Variants in CFAP57 observed in about 807,000 individuals in gnomAD.
The protein encoded by CFAP57 is cilia and flagella associated protein 57, also known as cilia- and flagella-associated protein 57.
CFAP57 carries 116 observed loss-of-function variants against 146.8 expected under a neutral mutation model. The observed-to-expected ratio is 0.79, with a 90% CI of 0.68 to 0.92. The LOEUF is 0.92. Among genes scored for constraint, CFAP57 ranks in the 40% least tolerant of loss-of-function variants. The pLI, the probability that CFAP57 is intolerant of heterozygous loss-of-function variation, is 0.00. For synonymous variants in CFAP57, 518 were observed against 552.8 expected (o/e 0.94, Z 0.88); for missense variants, 1,377 against 1,527.2 (o/e 0.90, Z 1.64).
At chr1:43,243,499 C>A (rs1369655321) in intron 22 of CFAP57, 140 bp downstream of exon 22, 1 of 903,638 alleles carries the variant, frequency 1.1e-6, no homozygotes, top group Non-Finnish European at 1.5e-6. Context: ...GGGGCACACA[C>A]CTGCTCTTTG....
chr1:43,230,675 T>C (rs1463590944), intron 18 of CFAP57, among the ~76,000 whole-genome samples: 1 of 152,170 alleles, frequency 6.6e-6, no homozygotes, highest in African/African-American at 2.4e-5. Flanking sequence ...TTCTTTCCCC[T>C]TTTGTCCTCT....
chr1:43,226,848 C>G, intron 17 of CFAP57, 135 bp from the exon 18 acceptor site: 1 of 1,006,866 alleles, frequency 9.9e-7, no homozygotes. Flanking sequence ...TCTGTACTGA[C>G]GAAGGGAGGA....
chr1:43,206,445 T>A, intron 9 of CFAP57: 1 of 395,862 alleles, frequency 2.5e-6, no homozygotes, highest in Non-Finnish European at 4.6e-6. Flanking sequence ...CAATAATTGG[T>A]TGGTTCTAGC....
chr1:43,206,394 T>G (rs1376282767), intron 9 of CFAP57: 1 of 278,714 alleles, frequency 3.6e-6, no homozygotes, highest in Non-Finnish European at 7.0e-6. Context: ...TGCAAGTTTC[T>G]GTGAATACAT....
rs1318632293 is a variant in CFAP57, at chr1:43,198,605, A to G, written c.1387A>G (p.Ile463Val). 3.1e-6 allele frequency: 5 copies of G among 1,613,974 alleles called. No individual in the cohort carries two copies. The South Asian group carries it at 4.4e-5, about 14-fold the overall frequency. Residue 463 changes from isoleucine (I) to valine (V), a missense_variant, in exon 8 of 23, where the codon ATA (isoleucine) becomes GTA (valine). Coordinates refer to ENST00000372492, the MANE Select transcript of CFAP57 (RefSeq NM_001378189.1). ...LRLMNLLIDDIRSFKEYSVRG... is the reference protein window; with the variant it reads ...LRLMNLLIDDVRSFKEYSVRG... ...CCTCATGAATCTACTCATTGATGAT[A>G]TACGTTCTTTCAAAGAATACTCTGT...
At chr1:43,212,935 CAA>C (rs374038535) in intron 11 of CFAP57, among the ~76,000 whole-genome samples, 11 of 129,090 alleles carry the variant, frequency 8.5e-5, no homozygotes, top group Admixed American at 4.0e-4. Context: ...GACTCTATCT[CAA>C]AAAAAAAAAA....
chr1:43,206,872 T>A lies in CFAP57; in HGVS notation c.1695T>A (p.Asp565Glu). 1.2e-6 allele frequency: 2 copies of A among 1,614,188 alleles called. No homozygotes were observed. Among genetic ancestry groups the A allele is most frequent in the Non-Finnish European group, 1.7e-6 (2 of 1,180,032 alleles). ...CSYNCVTVSPDAKIIFAVGSD... is the reference protein window; with the variant it reads ...CSYNCVTVSPEAKIIFAVGSD... ...ACAACTGTGTTACTGTCTCCCCCGATGCCAAAATTATCTTTGCTGTTGGAT... is the reference window on the plus strand; with the variant it reads ...ACAACTGTGTTACTGTCTCCCCCGAAGCCAAAATTATCTTTGCTGTTGGAT... The change falls in exon 10 of 23, where the codon GAT (aspartate) becomes GAA (glutamate). Residue 565 changes from aspartate to glutamate, a missense_variant. Transcript: ENST00000372492.
rs931065922 is a variant in CFAP57 at position 43,232,633 on chromosome 1, G to A, written c.3126+9G>A. ...GCAGAGAGAGACAGAAGGTGTGAGG[G>A]TTTCAGAGTCTGGCAGTTCTTGGAT... On this transcript the variant is annotated intron_variant, in intron 19 of 22. Transcript: ENST00000372492. 20 of 1,515,098 alleles carry A rather than the reference G, an allele frequency of 1.3e-5. No individual in the cohort carries two copies. Among genetic ancestry groups the A allele is most frequent in the South Asian group, 9.9e-5 (8 of 80,548 alleles). 93.9% of individuals were successfully genotyped at this position (1,515,098 alleles called of 1,614,324 possible). A position where few individuals can be genotyped will look rare whatever the true frequency, so the allele number is the denominator to read the frequency against.
chr1:43,183,275 C>A (rs1645493602), intron 3 of CFAP57, among the ~76,000 whole-genome samples: 1 of 152,116 alleles, frequency 6.6e-6, no homozygotes, highest in South Asian at 2.1e-4. Context: ...CCTATCAGAC[C>A]CTCTTTTTCT....
chr1:43,181,495 T>G, intron 2 of CFAP57, 39 bp from the exon 3 acceptor site: 1 of 1,611,274 alleles, frequency 6.2e-7, no homozygotes, highest in Non-Finnish European at 8.5e-7. Context: ...GGTGAAAGTG[T>G]GATCTACCCT....
At chr1:43,212,519 C>T (rs1166948029) in intron 11 of CFAP57, among the ~76,000 whole-genome samples, 1 of 152,148 alleles carries the variant, frequency 6.6e-6, no homozygotes, top group African/African-American at 2.4e-5. Flanking sequence ...CCATCCATCT[C>T]GCGTATTTAT....
chr1:43,219,789 C>T (rs1644974247), intron 13 of CFAP57, among the ~76,000 whole-genome samples: 1 of 152,092 alleles, frequency 6.6e-6, no homozygotes, highest in African/African-American at 2.4e-5. Context: ...CCAGCCTGGC[C>T]AACATAGTGA....
intron 18 of CFAP57, among the ~76,000 whole-genome samples, chr1:43,227,802 C>T (rs1210147202): frequency 6.6e-6 from 1 of 152,132 alleles, no homozygotes; most frequent in East Asian, 1.9e-4. Context: ...GATCTAAAAC[C>T]GAATTCTTGA....
intron 18 of CFAP57, among the ~76,000 whole-genome samples, chr1:43,229,628 T>C (rs1466643743): frequency 1.3e-5 from 2 of 148,970 alleles, no homozygotes; most frequent in African/African-American, 2.5e-5. Context: ...TTGGCTCTGA[T>C]GATCCAAGGG....
intron 2 of CFAP57, among the ~76,000 whole-genome samples, chr1:43,179,973 G>A (rs945969360): frequency 2.6e-4 from 40 of 152,076 alleles, no homozygotes; most frequent in African/African-American, 9.2e-4. Flanking sequence ...CTGGGAGGCC[G>A]AGGTGGGCGG....
rs753716710 is a variant in CFAP57 at position 43,186,832 on chromosome 1, C to T, written c.1095C>T (p.Ile365=). The change falls in exon 6 of 23, where the codon ATC becomes ATT. Residue 365 remains isoleucine, a synonymous_variant. Coordinates refer to ENST00000372492, the MANE Select transcript of CFAP57 (RefSeq NM_001378189.1). ...CCAGTAAGAACCAACTCTACAGCAT[C>T]ACCATGTCCCTGACAGAGATCAGCA... ...ASTSKNQLYS[I]TMSLTEISKG... 1 of 1,614,152 alleles carries T rather than the reference C, an allele frequency of 6.2e-7. No homozygotes were observed. Among genetic ancestry groups the T allele is most frequent in the East Asian group, 2.2e-5 (1 of 44,886 alleles).
chr1:43,181,024 AG>A (rs1569836775), intron 2 of CFAP57, among the ~76,000 whole-genome samples: 1 of 150,726 alleles, frequency 6.6e-6, no homozygotes, highest in East Asian at 1.9e-4. Flanking sequence ...GCCCTCCTTC[AG>A]GAAGGTTTCC....
At chr1:43,173,647 C>G (rs977560946) in intron 2 of CFAP57, among the ~76,000 whole-genome samples, 21 of 152,202 alleles carry the variant, frequency 1.4e-4, no homozygotes, top group Admixed American at 1.2e-3. Flanking sequence ...TAGCCAAGTT[C>G]ATTTTATTGC....
At chr1:43,190,882 A>T (rs989656024) in intron 6 of CFAP57, among the ~76,000 whole-genome samples, 1 of 152,120 alleles carries the variant, frequency 6.6e-6, no homozygotes, top group East Asian at 1.9e-4. Flanking sequence ...TCAATTTACT[A>T]GTATTTTGTT....
Sources: allele counts gnomAD v4.1 joint callset (sites outside exome capture counted in the v4.1 genomes callset), GRCh38; gene constraint gnomAD v4.1.1; transcripts MANE v1.5; gene names NCBI Gene and HGNC (gene_info 2026-07-23, HGNC 2026-07-21).